PKP2: variants seen among roughly 807,000 people sequenced by gnomAD.
The protein encoded by PKP2 is plakophilin-2.
PKP2 carries 73 observed loss-of-function variants against 83.4 expected under a neutral mutation model. That is an observed-to-expected ratio of 0.88 (90% CI 0.72 to 1.06). PKP2 has a LOEUF of 1.06. PKP2 is among the 50% of genes least tolerant of loss of function. The pLI, the probability that PKP2 is intolerant of heterozygous loss-of-function variation, is 0.00. For missense variants in PKP2, 966 were observed against 1,065.4 expected, an observed-to-expected ratio of 0.91 and a Z score of 1.30; for synonymous variants, 409 against 430.4, an observed-to-expected ratio of 0.95 and a Z score of 0.62.
chr12:32,838,861 C>A (rs1033751217), intron 6 of PKP2, among the ~76,000 whole-genome samples: 1 of 152,188 alleles, frequency 6.6e-6, no homozygotes, highest in African/African-American at 2.4e-5. Flanking sequence ...CCCGTTTGAA[C>A]CCTCAGGAAC....
chr12:32,809,626 G>A (rs946694642), intron 9 of PKP2, among the ~76,000 whole-genome samples: 8 of 152,192 alleles, frequency 5.3e-5, no homozygotes, highest in South Asian at 2.1e-4. Context: ...TTCCGGGGCC[G>A]GAGTATGTAA....
At chr12:32,792,915 T>C (rs992804105) in intron 11 of PKP2, 184 bp from the exon 12 acceptor site, 6 of 635,966 alleles carry the variant, frequency 9.4e-6, no homozygotes, top group Non-Finnish European at 1.7e-5. Context: ...ACCATATCTG[T>C]TTTTGTTTTC....
At chr12:32,799,078 A>C (rs1422898402) in intron 10 of PKP2, among the ~76,000 whole-genome samples, 2 of 152,214 alleles carry the variant, frequency 1.3e-5, no homozygotes, top group Admixed American at 1.3e-4. Context: ...AAAGCCAAAT[A>C]ATTCCATCAA....
chr12:32,843,462 TAC>T, intron 5 of PKP2: 1 of 557,980 alleles, frequency 1.8e-6, no homozygotes, highest in Non-Finnish European at 3.3e-6. Flanking sequence ...TTACTCAGCA[TAC>T]TTATATTTGG....
chr12:32,792,531 A>G, intron 12 of PKP2, 39 bp from the exon 13 acceptor site: 5 of 1,586,866 alleles, frequency 3.2e-6, no homozygotes, highest in Non-Finnish European at 4.3e-6. Flanking sequence ...AGGTAACAAA[A>G]CTGGCACACA....
intron 4 of PKP2, among the ~76,000 whole-genome samples, chr12:32,864,100 C>T (rs1015682212): frequency 1.9e-4 from 29 of 152,138 alleles, no homozygotes; most frequent in African/African-American, 6.0e-4. Flanking sequence ...AACATCCATT[C>T]GTGATTCAAA....
chr12:32,828,436 A>G (rs889721954), intron 6 of PKP2, among the ~76,000 whole-genome samples: 1 of 152,248 alleles, frequency 6.6e-6, no homozygotes, highest in Admixed American at 6.5e-5. Context: ...AAGAATGGAC[A>G]GTGACAAATG....
At chr12:32,795,377 CT>C (rs562977029) in intron 11 of PKP2, among the ~76,000 whole-genome samples, 231 of 142,722 alleles carry the variant, frequency 1.6e-3, no homozygotes, top group Middle Eastern at 3.6e-3. Context: ...GCTGCTGCTG[CT>C]TTTTTTTTTT....
At position 32,840,002 on chromosome 12, in the gene PKP2, T is replaced by TC. The variant is rs566332414; in HGVS notation, c.1556+1025dup. On this transcript the variant is annotated intron_variant, in intron 6 of 12. Transcript: ENST00000340811. ...TGATCTCACCAGATGCCATGAATGG[T>TC]CCTTTGTTCTGCATTCCCGCAGCAC... 3.9e-3 allele frequency among the ~76,000 whole-genome samples: 594 copies of TC among 152,298 alleles called. 3 individuals carry two copies. The highest frequency in any genetic ancestry group is 0.014 in the African/African-American group (572 of 41,564).
Position 32,796,223 on chromosome 12 carries a change from G to A in PKP2, c.2243C>T (p.Thr748Ile). ...GTTCAATGTGTAACAGGCAGAGGCT[G>A]TAGTTTCAATGAGAAGGTCAGTACT... ...VPSTDLLIET[T>I]ASACYTLNNI... Residue 748 changes from threonine (T) to isoleucine (I), a missense_variant, in exon 11 of 13, where the codon ACA (threonine) becomes ATA (isoleucine). Transcript: ENST00000340811. The A allele has an allele frequency of 6.2e-7, 1 of 1,613,358 alleles. No individual in the cohort carries two copies. The highest frequency in any genetic ancestry group is 8.5e-7 in the Non-Finnish European group (1 of 1,179,678).
chr12:32,827,087 T>G (rs1248046230), intron 6 of PKP2, among the ~76,000 whole-genome samples: 3 of 152,240 alleles, frequency 2.0e-5, no homozygotes, highest in Non-Finnish European at 4.4e-5. Context: ...TCAAAAAGTC[T>G]TTCTTCCTGG....
intron 4 of PKP2, among the ~76,000 whole-genome samples, chr12:32,860,584 G>A (rs1056601255): frequency 6.6e-6 from 1 of 152,164 alleles, no homozygotes; most frequent in African/African-American, 2.4e-5. Flanking sequence ...CAAGGAGAGG[G>A]AAAGCATTAG....
At chr12:32,807,136 A>G (rs1162434921) in intron 9 of PKP2, among the ~76,000 whole-genome samples, 4 of 152,160 alleles carry the variant, frequency 2.6e-5, no homozygotes, top group Non-Finnish European at 5.9e-5. Flanking sequence ...TATGTGAACA[A>G]GTTTTGAGTA....
chr12:32,870,341 G>A (rs1486118329), intron 3 of PKP2, among the ~76,000 whole-genome samples: 1 of 152,028 alleles, frequency 6.6e-6, no homozygotes, highest in Non-Finnish European at 1.5e-5. Context: ...GGAGTAATGC[G>A]CCTCATGACC....
At chr12:32,889,074 C>T (rs952563024) in intron 1 of PKP2, among the ~76,000 whole-genome samples, 1 of 152,184 alleles carries the variant, frequency 6.6e-6, no homozygotes, top group Admixed American at 6.5e-5. Flanking sequence ...CTTTAACTTG[C>T]ATTCAAGATC....
chr12:32,798,440 T>C (rs975178042), intron 10 of PKP2, among the ~76,000 whole-genome samples: 6 of 151,812 alleles, frequency 4.0e-5, no homozygotes, highest in African/African-American at 9.7e-5. Context: ...TTTTCTACTA[T>C]GTATATAACT....
At chr12:32,858,728 T>G (rs1451817764) in intron 4 of PKP2, among the ~76,000 whole-genome samples, 1 of 152,170 alleles carries the variant, frequency 6.6e-6, no homozygotes, top group Non-Finnish European at 1.5e-5. Context: ...CAAATTAATA[T>G]GTGTAATAGG....
At chr12:32,839,600 A>T (rs1375629240) in intron 6 of PKP2, among the ~76,000 whole-genome samples, 1 of 152,026 alleles carries the variant, frequency 6.6e-6, no homozygotes, top group East Asian at 1.9e-4. Flanking sequence ...CACTTCCTCA[A>T]GTGACCTGCA....
intron 6 of PKP2, among the ~76,000 whole-genome samples, chr12:32,829,313 G>T (rs1319044907): frequency 6.7e-6 from 1 of 149,920 alleles, no homozygotes; most frequent in Non-Finnish European, 1.5e-5. Flanking sequence ...GGAGTGTGGT[G>T]GCACAATCAC....
Sources: allele counts gnomAD v4.1 joint callset (sites outside exome capture counted in the v4.1 genomes callset), GRCh38; gene constraint gnomAD v4.1.1; transcripts MANE v1.5; gene names NCBI Gene and HGNC (gene_info 2026-07-23, HGNC 2026-07-21).